The following CMTM8 variants were observed in gnomAD, a reference collection of about 807,000 sequenced individuals.
CMTM8 encodes the protein CKLF like MARVEL transmembrane domain containing 8.
A neutral mutation model predicts 18.6 loss-of-function variants in CMTM8; 12 were observed. The observed-to-expected ratio is 0.65, with a 90% CI of 0.41 to 1.05. CMTM8 has a LOEUF of 1.05. Ranked by LOEUF, CMTM8 falls within the 50% of genes least tolerant of loss-of-function variation. The pLI, the probability that CMTM8 is intolerant of heterozygous loss-of-function variation, is 0.00. For missense variants in CMTM8, 217 were observed against 227.2 expected, an observed-to-expected ratio of 0.95 and a Z score of 0.29; for synonymous variants, 87 against 90.6, an observed-to-expected ratio of 0.96 and a Z score of 0.23.
intron 1 of CMTM8, among the ~76,000 whole-genome samples, chr3:32,245,542 T>C (rs1483968660): frequency 6.6e-6 from 1 of 152,244 alleles, no homozygotes; most frequent in Non-Finnish European, 1.5e-5. Flanking sequence ...TGAAAGTGAT[T>C]TGTAAGAATC....
chr3:32,313,229 C>G (rs981172303), intron 1 of CMTM8, among the ~76,000 whole-genome samples: 4 of 152,054 alleles, frequency 2.6e-5, no homozygotes, highest in Non-Finnish European at 5.9e-5. Context: ...GACTGCTGGT[C>G]CCGAATGAAG....
intron 2 of CMTM8, 121 bp downstream of exon 2, chr3:32,357,667 C>T (rs1165926120): frequency 1.1e-6 from 1 of 923,346 alleles, no homozygotes; most frequent in African/African-American, 1.6e-5. Context: ...CCATGGAGAA[C>T]TCAACACAGC....
chr3:32,352,296 C>T (rs1203816062), intron 1 of CMTM8, among the ~76,000 whole-genome samples: 1 of 151,318 alleles, frequency 6.6e-6, no homozygotes, highest in Non-Finnish European at 1.5e-5. Flanking sequence ...AAATGCTCTA[C>T]TGTCCTCGAC....
At chr3:32,368,084 G>A (rs990881243) in intron 3 of CMTM8, 96 bp downstream of exon 3, 24 of 827,892 alleles carry the variant, frequency 2.9e-5, no homozygotes, top group Non-Finnish European at 3.9e-5. Flanking sequence ...AAAAAGCAGC[G>A]CTTGCAGTAG....
intron 1 of CMTM8, among the ~76,000 whole-genome samples, chr3:32,355,345 G>A (rs1056768705): frequency 6.6e-6 from 1 of 152,130 alleles, no homozygotes; most frequent in Non-Finnish European, 1.5e-5. Flanking sequence ...AACAGAACAA[G>A]TCCAACCCTG....
chr3:32,270,231 A>G (rs1161339237), intron 1 of CMTM8, among the ~76,000 whole-genome samples: 2 of 152,188 alleles, frequency 1.3e-5, no homozygotes, highest in South Asian at 2.1e-4. Flanking sequence ...CTAGAATTTA[A>G]ATCATGTTCG....
chr3:32,349,206 T>A (rs1365498335), intron 1 of CMTM8, among the ~76,000 whole-genome samples: 1 of 152,154 alleles, frequency 6.6e-6, no homozygotes, highest in East Asian at 1.9e-4. Flanking sequence ...TATCTGCCTA[T>A]GCTTTAAGAG....
chr3:32,307,354 A>C (rs573043361), intron 1 of CMTM8, among the ~76,000 whole-genome samples: 1 of 152,024 alleles, frequency 6.6e-6, no homozygotes, highest in Non-Finnish European at 1.5e-5. Context: ...AAAAAAAGAG[A>C]AGGTAGAATC....
intron 1 of CMTM8, among the ~76,000 whole-genome samples, chr3:32,250,332 A>C (rs1046701680): frequency 6.6e-6 from 1 of 152,176 alleles, no homozygotes; most frequent in Non-Finnish European, 1.5e-5. Context: ...TCTTTTTTAA[A>C]GTTGTTTTGG....
At chr3:32,345,059 G>A (rs1239950885) in intron 1 of CMTM8, among the ~76,000 whole-genome samples, 7 of 152,136 alleles carry the variant, frequency 4.6e-5, no homozygotes, top group African/African-American at 1.4e-4. Flanking sequence ...ATTTCTTCAG[G>A]CTGGGCATGG....
At chr3:32,313,113 G>A (rs1296501207) in intron 1 of CMTM8, among the ~76,000 whole-genome samples, 2 of 152,002 alleles carry the variant, frequency 1.3e-5, no homozygotes, top group Non-Finnish European at 2.9e-5. Flanking sequence ...AACATCTCTT[G>A]GAGGCCATTA....
chr3:32,321,239 A>C (rs544321002), intron 1 of CMTM8, among the ~76,000 whole-genome samples: 267 of 152,224 alleles, frequency 1.8e-3, no homozygotes, highest in African/African-American at 6.1e-3. Context: ...CTGGGGACTA[A>C]CTAGATGAGG....
chr3:32,295,452 T>A (rs539596565), intron 1 of CMTM8, among the ~76,000 whole-genome samples: 89 of 26,162 alleles, frequency 3.4e-3, no homozygotes, highest in African/African-American at 0.012. Context: ...CGAGACTCCA[T>A]CTCAAAAAAA....
At chr3:32,354,264 A>C (rs1317440304) in intron 1 of CMTM8, among the ~76,000 whole-genome samples, 1 of 152,230 alleles carries the variant, frequency 6.6e-6, no homozygotes, top group Non-Finnish European at 1.5e-5. Context: ...AAAGATGAGT[A>C]ACATTTTTGA....
intron 1 of CMTM8, among the ~76,000 whole-genome samples, chr3:32,319,358 C>T (rs1408055060): frequency 6.6e-6 from 1 of 151,746 alleles, no homozygotes; most frequent in African/African-American, 2.4e-5. Flanking sequence ...GGATTACAGG[C>T]CTGAGCCACC....
At chr3:32,350,359 C>CTTTTT (rs527757254) in intron 1 of CMTM8, among the ~76,000 whole-genome samples, 1 of 136,182 alleles carries the variant, frequency 7.3e-6, no homozygotes, top group African/African-American at 2.7e-5. Flanking sequence ...GTGTTCTAAG[C>CTTTTT]TTTTTTTTTT....
chr3:32,353,834 G>T (rs1325207838), intron 1 of CMTM8, among the ~76,000 whole-genome samples: 1 of 148,418 alleles, frequency 6.7e-6, no homozygotes, highest in Non-Finnish European at 1.5e-5. Flanking sequence ...ACCCAGGTTG[G>T]AGTGCAGTGG....
At chr3:32,257,195 T>C (rs9812392) in intron 1 of CMTM8, among the ~76,000 whole-genome samples, 4,629 of 152,322 alleles carry the variant, frequency 0.03, 97 homozygotes, top group Non-Finnish European at 0.036. Flanking sequence ...CCAGCTGGTC[T>C]CAAACTCCTG....
intron 2 of CMTM8, among the ~76,000 whole-genome samples, chr3:32,361,953 C>T (rs1696939608): frequency 6.6e-6 from 1 of 152,114 alleles, no homozygotes. Context: ...CTCTGTAGCT[C>T]ATCCCTGCTG....
Sources: gnomAD v4.1 joint callset for allele counts (sites outside exome capture counted in the v4.1 genomes callset) on GRCh38, gnomAD v4.1.1 for gene constraint, MANE v1.5 for transcripts, NCBI Gene and HGNC (gene_info 2026-07-23, HGNC 2026-07-21) for gene names.